DCDC1: variants seen among roughly 807,000 people sequenced by gnomAD.
DCDC1 encodes doublecortin domain containing 1, also known as doublecortin domain-containing protein 1.
A neutral mutation model predicts 178.3 loss-of-function variants in DCDC1; 200 were observed. That is an observed-to-expected ratio of 1.12 (90% CI 1.00 to 1.26). DCDC1 has a LOEUF of 1.26. Among genes scored for constraint, DCDC1 ranks in the 50% most tolerant of loss-of-function variants. The probability of loss-of-function intolerance (pLI) is 0.00; values close to 1 mark genes in which losing one functional copy is unlikely to be tolerated. For synonymous variants in DCDC1, 690 were observed against 604.8 expected (o/e 1.14, Z -2.07); for missense variants, 1,983 against 1,749.2 (o/e 1.13, Z -2.38).
At chr11:31,167,517 G>C (rs984063458) in intron 9 of DCDC1, among the ~76,000 whole-genome samples, 1 of 152,002 alleles carries the variant, frequency 6.6e-6, no homozygotes, top group African/African-American at 2.4e-5. Context: ...AACCACCCTA[G>C]GCTAGACTTC....
At chr11:31,089,569 T>C (rs1008208954) in intron 17 of DCDC1, among the ~76,000 whole-genome samples, 3 of 152,152 alleles carry the variant, frequency 2.0e-5, no homozygotes, top group East Asian at 3.9e-4. Flanking sequence ...TACTCAGAAA[T>C]TGGGCCATAT....
chr11:31,271,339 TTCTC>T (rs1394223990), intron 7 of DCDC1, among the ~76,000 whole-genome samples: 4 of 152,218 alleles, frequency 2.6e-5, no homozygotes, highest in Admixed American at 2.6e-4. Flanking sequence ...CCATCATTTC[TTCTC>T]TCTCATGTAT....
chr11:31,128,128 G>A (rs1961909427), intron 10 of DCDC1, among the ~76,000 whole-genome samples: 1 of 151,636 alleles, frequency 6.6e-6, no homozygotes, highest in African/African-American at 2.4e-5. Context: ...GACCTTTAAA[G>A]TTAACCTATT....
At chr11:31,110,972 G>A (rs1013040780) in intron 11 of DCDC1, among the ~76,000 whole-genome samples, 1 of 83,148 alleles carries the variant, frequency 1.2e-5, no homozygotes, top group Non-Finnish European at 2.4e-5. Context: ...TGTAACACTC[G>A]CTGGGGAAAA....
At position 31,053,030 on chromosome 11, in the gene DCDC1, T is replaced by C. The variant is rs185871756; in HGVS notation, c.2591+11439A>G. Among the ~76,000 whole-genome samples the C allele has an allele frequency of 2.6e-4, 40 of 152,050 alleles. 1 individual carries two copies. Among genetic ancestry groups the C allele is most frequent in the African/African-American group, 9.4e-4 (39 of 41,514 alleles). ...TGGAAACAAAAAAAATTACGAAAGA[T>C]AAATGAAACAAAAAGCTGGTTCTTT... On this transcript the variant is annotated intron_variant, in intron 20 of 38. Transcript: ENST00000684477.
intron 11 of DCDC1, among the ~76,000 whole-genome samples, chr11:31,122,956 T>C (rs991627245): frequency 6.6e-6 from 1 of 152,104 alleles, no homozygotes; most frequent in Admixed American, 6.6e-5. Flanking sequence ...AAAGGCCCAA[T>C]AGTAAATACT....
At chr11:30,904,854 C>G in intron 31 of DCDC1, 107 bp downstream of exon 31, 1 of 1,307,248 alleles carries the variant, frequency 7.6e-7, no homozygotes, top group Non-Finnish European at 1.1e-6. Context: ...ACTGGTGAAT[C>G]TGGCCAGGGA....
Position 31,131,051 on chromosome 11 carries a change from G to A in DCDC1, c.1315-3412C>T, listed in dbSNP as rs1271942355. 4.9e-5 allele frequency among the ~76,000 whole-genome samples: 4 copies of A among 82,078 alleles called. 2 individuals are homozygous for A. Among genetic ancestry groups the A allele is most frequent in the African/African-American group, 1.7e-4 (4 of 24,134 alleles). 53.8% of individuals were successfully genotyped at this position (82,078 alleles called of 152,430 possible). A position where few individuals can be genotyped will look rare whatever the true frequency, so the allele number is the denominator to read the frequency against. On this transcript the variant is annotated intron_variant, in intron 10 of 38. Coordinates refer to ENST00000684477, the MANE Select transcript of DCDC1 (RefSeq NM_001387274.1). Reference sequence around the variant, plus strand: ...CAAAAAATTAGCCGGGCGCGGTGGCGGGCGCCTGTAGTCCCAGCTACTCGG... The same window carrying A: ...CAAAAAATTAGCCGGGCGCGGTGGCAGGCGCCTGTAGTCCCAGCTACTCGG...
At chr11:30,915,896 T>C (rs979662722) in intron 26 of DCDC1, among the ~76,000 whole-genome samples, 185 bp from the exon 27 acceptor site, 3 of 152,186 alleles carry the variant, frequency 2.0e-5, no homozygotes, top group African/African-American at 7.2e-5. Context: ...TAAGCTGACA[T>C]AAGAAGTAGA....
At chr11:31,110,797 G>A (rs1959152636) in intron 11 of DCDC1, among the ~76,000 whole-genome samples, 1 of 151,836 alleles carries the variant, frequency 6.6e-6, no homozygotes, top group South Asian at 2.1e-4. Flanking sequence ...TTCATACTTT[G>A]GTTTATACTT....
intron 20 of DCDC1, among the ~76,000 whole-genome samples, chr11:30,963,238 T>A (rs997901290): frequency 1.3e-5 from 2 of 152,162 alleles, no homozygotes; most frequent in African/African-American, 4.8e-5. Context: ...TGATATTATA[T>A]AACTCCCAAA....
intron 7 of DCDC1, 28 bp downstream of exon 7, chr11:31,290,619 C>T: frequency 1.9e-6 from 3 of 1,567,246 alleles, no homozygotes; most frequent in Non-Finnish European, 2.6e-6. Context: ...AAATTAAATT[C>T]ATAGTTCAAT....
chr11:31,229,193 G>A (rs954058036), intron 9 of DCDC1, among the ~76,000 whole-genome samples: 7 of 151,992 alleles, frequency 4.6e-5, no homozygotes, highest in Admixed American at 2.6e-4. Flanking sequence ...AAATAATAGA[G>A]GTGGCAAACA....
At chr11:30,891,957 C>T (rs1291622877) in intron 36 of DCDC1, among the ~76,000 whole-genome samples, 2 of 152,180 alleles carry the variant, frequency 1.3e-5, no homozygotes, top group African/African-American at 4.8e-5. Flanking sequence ...CCTCCATGAA[C>T]TTCTCCAAGC....
intron 9 of DCDC1, among the ~76,000 whole-genome samples, chr11:31,236,443 G>A (rs548314336): frequency 1.8e-4 from 28 of 152,088 alleles, no homozygotes; most frequent in African/African-American, 6.7e-4. Context: ...ACTCACTGAA[G>A]CAAACTGCTG....
chr11:31,058,588 G>A lies in DCDC1; in HGVS notation c.2591+5881C>T, dbSNP rs535169124. Among the ~76,000 whole-genome samples the A allele has an allele frequency of 5.3e-5, 8 of 152,164 alleles. No individual in the cohort carries two copies. The East Asian group carries it at 1.5e-3, about 29-fold the overall frequency. On this transcript the variant is annotated intron_variant, in intron 20 of 38. Transcript: ENST00000684477. ...TAGAGCAGAGGAAGGGAGGGAAATG[G>A]TGATCAGAGATATGATGGGACTGGT... is the stretch of plus-strand genomic sequence containing the variant.
At chr11:30,899,750 T>C in intron 33 of DCDC1, 108 bp from the exon 34 acceptor site, 2 of 816,276 alleles carry the variant, frequency 2.5e-6, no homozygotes. Flanking sequence ...TAGAAACAAG[T>C]AATTAAAAGG....
chr11:30,994,689 ATT>A (rs1440641603), intron 20 of DCDC1, among the ~76,000 whole-genome samples: 1 of 145,244 alleles, frequency 6.9e-6, no homozygotes, highest in Non-Finnish European at 1.5e-5. Flanking sequence ...ATAACATATT[ATT>A]GTTATAATAT....
chr11:31,314,422 G>C (rs912567843), intron 3 of DCDC1: 18 of 152,182 alleles, frequency 1.2e-4, no homozygotes, highest in African/African-American at 4.3e-4. Context: ...CAAAATTAGT[G>C]GCTTAAAATA....
Sources: gnomAD v4.1 joint callset for allele counts (sites outside exome capture counted in the v4.1 genomes callset) on GRCh38, gnomAD v4.1.1 for gene constraint, MANE v1.5 for transcripts, NCBI Gene and HGNC (gene_info 2026-07-23, HGNC 2026-07-21) for gene names.